The following ZC3H12B variants were observed in gnomAD, a reference collection of about 807,000 sequenced individuals.
The protein encoded by ZC3H12B is probable ribonuclease ZC3H12B.
Under a neutral mutation model 43.9 loss-of-function variants are expected in ZC3H12B, and 7 were observed. That is an observed-to-expected ratio of 0.16 (90% CI 0.09 to 0.30). The LOEUF is 0.30. Ranked by LOEUF, ZC3H12B falls within the 10% of genes least tolerant of loss-of-function variation. ZC3H12B has a pLI of 1.00. For missense variants in ZC3H12B, 475 were observed against 670.2 expected (o/e 0.71, Z 3.22); for synonymous variants, 222 against 241.7 (o/e 0.92, Z 0.76).
the ZC3H12B span, among the ~76,000 whole-genome samples, chrX:65,222,596 G>A: frequency 1.1e-4 from 10 of 91,787 alleles, no homozygotes; most frequent in South Asian, 4.3e-3. Context: ...TTTTACAATA[G>A]CTGCAAAATA....
chrX:65,176,051 C>A, the ZC3H12B span, among the ~76,000 whole-genome samples: 2 of 111,735 alleles, frequency 1.8e-5, no homozygotes, highest in South Asian at 7.4e-4. Context: ...CCATTCACTA[C>A]CCTGGAAAGG....
the ZC3H12B span, among the ~76,000 whole-genome samples, chrX:65,074,160 A>G: frequency 9.0e-6 from 1 of 111,634 alleles, no homozygotes; most frequent in African/African-American, 3.3e-5. Flanking sequence ...ATTTTTTCAT[A>G]AGGTGCATCT....
At chrX:65,256,191 C>A in the ZC3H12B span, among the ~76,000 whole-genome samples, 4 of 111,957 alleles carry the variant, frequency 3.6e-5, no homozygotes, top group Non-Finnish European at 5.6e-5. Context: ...ATGGGCCTGA[C>A]AGACATCTAC....
rs745491919 is a variant in ZC3H12B at position 65,431,885 on chromosome X, G to T, written n.407+33181G>T. ...GTCTAAGTTTCTGCCCACTGGGAAG[G>T]TTTGTTTTTTACCACTGTCTTCCAG... On this transcript the variant is annotated intron_variant and non_coding_transcript_variant, in intron 3 of 5. Transcript: ENST00000617377. Among the ~76,000 whole-genome samples, 6 of 112,353 alleles carry T rather than the reference G, an allele frequency of 5.3e-5. No individual in the cohort carries two copies. In the South Asian group the frequency reaches 1.5e-3, roughly 28 times the overall value.
the ZC3H12B span, among the ~76,000 whole-genome samples, chrX:65,325,386 C>A: frequency 9.0e-6 from 1 of 111,227 alleles, no homozygotes; most frequent in East Asian, 2.8e-4. Flanking sequence ...AACTGGTAAA[C>A]AAATTTAGTA....
At chrX:65,183,366 A>G in the ZC3H12B span, among the ~76,000 whole-genome samples, 1 of 111,599 alleles carries the variant, frequency 9.0e-6, no homozygotes, top group Non-Finnish European at 1.9e-5. Flanking sequence ...CTAAACATTT[A>G]GTACATATGG....
chrX:65,101,606 T>C, the ZC3H12B span, among the ~76,000 whole-genome samples: 2 of 111,972 alleles, frequency 1.8e-5, no homozygotes, highest in Admixed American at 9.4e-5. Flanking sequence ...GAGAATACTA[T>C]AAACACCTCT....
chrX:65,218,067 G>T, the ZC3H12B span, among the ~76,000 whole-genome samples: 1 of 112,046 alleles, frequency 8.9e-6, no homozygotes, highest in African/African-American at 3.2e-5. Context: ...AGCAGCAAAA[G>T]AAAAGCAAGT....
chrX:65,441,463 G>A (rs1464650357), intron 3 of ZC3H12B, among the ~76,000 whole-genome samples: 2 of 111,711 alleles, frequency 1.8e-5, no homozygotes, highest in African/African-American at 6.5e-5. Context: ...TACCCAATAA[G>A]CTGCTTTGCC....
At chrX:65,248,727 C>A in the ZC3H12B span, among the ~76,000 whole-genome samples, 6 of 111,969 alleles carry the variant, frequency 5.4e-5, no homozygotes, top group Admixed American at 3.8e-4. Context: ...GTTCACCGCA[C>A]CCATGCCAAC....
chrX:65,074,747 T>C, the ZC3H12B span, among the ~76,000 whole-genome samples: 2 of 112,063 alleles, frequency 1.8e-5, no homozygotes, highest in African/African-American at 6.5e-5. Context: ...AAGTGTGATA[T>C]TGAAACTGTC....
chrX:65,195,695 G>T, the ZC3H12B span, among the ~76,000 whole-genome samples: 3 of 112,340 alleles, frequency 2.7e-5, no homozygotes, highest in African/African-American at 9.7e-5. Context: ...AGCAGCCAGG[G>T]TCTGTTTGCA....
chrX:65,364,536 C>A (rs895000513), upstream of ZC3H12B, among the ~76,000 whole-genome samples: 3 of 96,429 alleles, frequency 3.1e-5, no homozygotes, highest in African/African-American at 1.8e-4. Context: ...CAACTTCTAT[C>A]CTTCATGGCA....
chrX:65,150,694 T>C, the ZC3H12B span, among the ~76,000 whole-genome samples: 1 of 112,197 alleles, frequency 8.9e-6, no homozygotes, highest in South Asian at 3.7e-4. Context: ...CTGCATAGTC[T>C]GAATATTTTA....
At chrX:65,056,636 G>A in the ZC3H12B span, among the ~76,000 whole-genome samples, 5 of 111,050 alleles carry the variant, frequency 4.5e-5, no homozygotes, top group Admixed American at 9.6e-5. Context: ...TTCATTTCCC[G>A]GATATCGTTG....
chrX:65,280,261 ACAT>A, the ZC3H12B span, among the ~76,000 whole-genome samples: 4 of 112,739 alleles, frequency 3.5e-5, no homozygotes, highest in South Asian at 1.1e-3. Flanking sequence ...AAATCAATAA[ACAT>A]CATGCATCAC....
the ZC3H12B span, among the ~76,000 whole-genome samples, chrX:65,072,189 C>A: frequency 8.9e-6 from 1 of 111,907 alleles, no homozygotes; most frequent in African/African-American, 3.2e-5. Context: ...TGTCTTATTT[C>A]AGAAAGGCAG....
At chrX:65,157,163 T>C in the ZC3H12B span, among the ~76,000 whole-genome samples, 3 of 110,812 alleles carry the variant, frequency 2.7e-5, no homozygotes, top group Middle Eastern at 0.014. Flanking sequence ...GTATTTTTTG[T>C]AGAGACAGAG....
chrX:65,052,152 A>G, the ZC3H12B span, among the ~76,000 whole-genome samples: 1 of 111,127 alleles, frequency 9.0e-6, no homozygotes, highest in South Asian at 3.8e-4. Context: ...TGGCCCCACC[A>G]TAATTCTTTT....
Sources: gnomAD v4.1 joint callset for allele counts (sites outside exome capture counted in the v4.1 genomes callset) on GRCh38, gnomAD v4.1.1 for gene constraint, MANE v1.5 for transcripts, NCBI Gene and HGNC (gene_info 2026-07-23, HGNC 2026-07-21) for gene names.